Variants in CAMTA1 observed in about 807,000 individuals in gnomAD.
CAMTA1 encodes calmodulin-binding transcription activator 1.
Under a neutral mutation model 170.9 loss-of-function variants are expected in CAMTA1, and 27 were observed. The ratio of observed to expected loss-of-function variants is 0.16; its 90% CI spans 0.12 to 0.22. The LOEUF is 0.22. Ranked by LOEUF, CAMTA1 falls within the 10% of genes least tolerant of loss-of-function variation. The pLI is 1.00. For synonymous variants in CAMTA1, 833 were observed against 891.5 expected, an observed-to-expected ratio of 0.93 and a Z score of 1.17; for missense variants, 1,619 against 2,217.2, an observed-to-expected ratio of 0.73 and a Z score of 5.42.
intron 5 of CAMTA1, among the ~76,000 whole-genome samples, chr1:7,357,062 C>G (rs2085171796): frequency 6.6e-6 from 1 of 152,194 alleles, no homozygotes; most frequent in Non-Finnish European, 1.5e-5. Flanking sequence ...TCTGGCATCT[C>G]CAGCTCCAGG....
At chr1:6,902,932 T>C (rs1677453500) in intron 3 of CAMTA1, among the ~76,000 whole-genome samples, 1 of 152,202 alleles carries the variant, frequency 6.6e-6, no homozygotes, top group Non-Finnish European at 1.5e-5. Flanking sequence ...TAAACATACA[T>C]GTACACCATG....
chr1:7,284,442 T>A (rs1377304303), intron 5 of CAMTA1, among the ~76,000 whole-genome samples: 1 of 152,064 alleles, frequency 6.6e-6, no homozygotes, highest in Non-Finnish European at 1.5e-5. Context: ...GACCTCGTGA[T>A]CTGCCCGCCT....
At position 7,407,920 on chromosome 1, in the gene CAMTA1, G is replaced by T. The variant is rs541480605; in HGVS notation, c.439-59910G>T. On this transcript the variant is annotated intron_variant, in intron 5 of 22. Coordinates refer to ENST00000303635, the MANE Select transcript of CAMTA1 (RefSeq NM_015215.4). ...TTGGCCTACCCTGCATTCAACGAAG[G>T]TTCTCCCAAGCCCACTGGAGAGGAC... Among the ~76,000 whole-genome samples, 12 of 152,248 alleles carry T rather than the reference G, an allele frequency of 7.9e-5. No homozygotes were observed. In the South Asian group the frequency reaches 1.7e-3, roughly 21 times the overall value.
chr1:7,205,579 G>A (rs1352605244), intron 4 of CAMTA1, among the ~76,000 whole-genome samples: 1 of 152,042 alleles, frequency 6.6e-6, no homozygotes, highest in Non-Finnish European at 1.5e-5. Context: ...TTTTTTTAAA[G>A]TCTATTGTAT....
chr1:7,710,545 G>A (rs1304027785), intron 11 of CAMTA1, among the ~76,000 whole-genome samples: 13 of 150,690 alleles, frequency 8.6e-5, no homozygotes, highest in Non-Finnish European at 1.5e-5. Context: ...GGCTGCGGGT[G>A]AGCCACGATT....
chr1:7,130,770 TTGTC>T (rs1645202837), intron 4 of CAMTA1, among the ~76,000 whole-genome samples: 2 of 152,326 alleles, frequency 1.3e-5, no homozygotes, highest in South Asian at 4.1e-4. Context: ...CTCCAACTGT[TTGTC>T]TGTTTGCTAT....
intron 5 of CAMTA1, among the ~76,000 whole-genome samples, chr1:7,410,910 T>C (rs1463171175): frequency 3.9e-4 from 59 of 151,782 alleles, no homozygotes; most frequent in Non-Finnish European, 4.4e-5. Flanking sequence ...TGTGTGTGTG[T>C]GTGTGTGTGT....
intron 1 of CAMTA1, among the ~76,000 whole-genome samples, chr1:6,785,863 C>T (rs1639095674): frequency 6.9e-6 from 1 of 145,862 alleles, no homozygotes; most frequent in Non-Finnish European, 1.5e-5. Context: ...CCGGGCCCAG[C>T]GAGGAGGAGG....
chr1:7,714,426 G>A (rs2096594051), intron 11 of CAMTA1, among the ~76,000 whole-genome samples: 1 of 152,162 alleles, frequency 6.6e-6, no homozygotes, highest in African/African-American at 2.4e-5. Context: ...TCGATGAAAT[G>A]GTGCTTTGGT....
Position 6,954,835 on chromosome 1 carries a change from C to T in CAMTA1, c.234+129625C>T, listed in dbSNP as rs577099108. Reference sequence around the variant, plus strand: ...GGGGCCCTGCCACCTCCTTGGACGCCGCCTTCCCTCTGCTTGCCTGGGACG... The same window carrying T: ...GGGGCCCTGCCACCTCCTTGGACGCTGCCTTCCCTCTGCTTGCCTGGGACG... On this transcript the variant is annotated intron_variant, in intron 3 of 22. Transcript: ENST00000303635. 1.8e-4 allele frequency among the ~76,000 whole-genome samples: 27 copies of T among 152,188 alleles called. No homozygotes were observed. The South Asian group carries it at 4.8e-3, about 27-fold the overall frequency.
intron 6 of CAMTA1, among the ~76,000 whole-genome samples, chr1:7,469,140 G>A (rs575987838): frequency 8.1e-4 from 124 of 152,174 alleles, no homozygotes; most frequent in Admixed American, 2.5e-3. Context: ...CCGGGGACGT[G>A]CTGATTTGCA....
intron 4 of CAMTA1, among the ~76,000 whole-genome samples, chr1:7,229,137 A>G (rs752465830): frequency 1.8e-4 from 28 of 151,832 alleles, no homozygotes; most frequent in Non-Finnish European, 3.5e-4. Context: ...GGCCTGGGGC[A>G]GAGGAGGGAG....
chr1:7,348,637 T>C (rs1450761523), intron 5 of CAMTA1, among the ~76,000 whole-genome samples: 1 of 152,254 alleles, frequency 6.6e-6, no homozygotes, highest in Non-Finnish European at 1.5e-5. Context: ...AATTGTCAGT[T>C]AACTGAAGTA....
intron 5 of CAMTA1, among the ~76,000 whole-genome samples, chr1:7,400,468 A>G (rs1438078810): frequency 6.6e-6 from 1 of 151,808 alleles, no homozygotes; most frequent in Non-Finnish European, 1.5e-5. Context: ...TTTCCAGGCA[A>G]TTTGTAAATT....
intron 2 of CAMTA1, among the ~76,000 whole-genome samples, chr1:6,823,860 G>A (rs1309972729): frequency 6.6e-6 from 1 of 152,104 alleles, no homozygotes; most frequent in South Asian, 2.1e-4. Flanking sequence ...CTTATGTAAG[G>A]TTGCTTAATT....
At chr1:7,192,612 C>T (rs1654750031) in intron 4 of CAMTA1, among the ~76,000 whole-genome samples, 1 of 152,224 alleles carries the variant, frequency 6.6e-6, no homozygotes, top group African/African-American at 2.4e-5. Context: ...GTGCCACCTG[C>T]AGGAGCAGTG....
chr1:7,175,906 C>G (rs1650707016), intron 4 of CAMTA1, among the ~76,000 whole-genome samples: 2 of 152,216 alleles, frequency 1.3e-5, no homozygotes, highest in Admixed American at 6.5e-5. Flanking sequence ...CACAAATAAG[C>G]TATTTTCATG....
At chr1:7,190,366 C>G (rs1654286066) in intron 4 of CAMTA1, among the ~76,000 whole-genome samples, 1 of 152,152 alleles carries the variant, frequency 6.6e-6, no homozygotes, top group Non-Finnish European at 1.5e-5. Flanking sequence ...GTACACATAT[C>G]TCTGTATGTG....
At chr1:6,790,375 A>AGAGTGTGTGTGT (rs951990612) in intron 1 of CAMTA1, among the ~76,000 whole-genome samples, 4 of 139,060 alleles carry the variant, frequency 2.9e-5, no homozygotes, top group Non-Finnish European at 3.1e-5. Flanking sequence ...AGAGAGAGAG[A>AGAGTGTGTGTGT]GTGTGTGTGT....
Sources: allele counts gnomAD v4.1 joint callset (sites outside exome capture counted in the v4.1 genomes callset), GRCh38; gene constraint gnomAD v4.1.1; transcripts MANE v1.5; gene names NCBI Gene and HGNC (gene_info 2026-07-23, HGNC 2026-07-21).